The following PHTF2 variants were observed in gnomAD, a reference collection of about 807,000 sequenced individuals.
The protein encoded by PHTF2 is protein PHTF2.
In PHTF2, 60 loss-of-function variants were observed where a neutral mutation model predicts 101.2. That is an observed-to-expected ratio of 0.59 (90% confidence interval 0.48 to 0.73). The LOEUF (loss-of-function observed/expected upper bound fraction) is 0.73. PHTF2 is among the 30% of genes least tolerant of loss of function. PHTF2 has a pLI of 0.00. For synonymous variants in PHTF2, 311 were observed against 307.3 expected (o/e 1.01, Z -0.13); for missense variants, 747 against 908.7 (o/e 0.82, Z 2.29).
chr7:77,883,610 T>C (rs1318496428), intron 3 of PHTF2, among the ~76,000 whole-genome samples: 1 of 152,226 alleles, frequency 6.6e-6, no homozygotes. Flanking sequence ...AAAATGATTT[T>C]ATTAGCAGCT....
At chr7:77,837,049 C>T (rs1795531713) in intron 1 of PHTF2, among the ~76,000 whole-genome samples, 1 of 151,304 alleles carries the variant, frequency 6.6e-6, no homozygotes. Flanking sequence ...ATAGTGTTAG[C>T]TTAGAGTTAA....
At chr7:77,874,756 C>CTTCAATCCAG (rs1798794573) in intron 3 of PHTF2, among the ~76,000 whole-genome samples, 1 of 152,228 alleles carries the variant, frequency 6.6e-6, no homozygotes, top group Non-Finnish European at 1.5e-5. Context: ...ACTTTGTATC[C>CTTCAATCCAG]TTCAATCCAG....
At chr7:77,909,684 A>T (rs1359376492) in intron 8 of PHTF2, 1 of 152,386 alleles carries the variant, frequency 6.6e-6, no homozygotes, top group South Asian at 2.1e-4. Context: ...TTCTGTTTGA[A>T]TCTGTTTAAT....
At chr7:77,800,380 C>T (rs1167276110) in intron 1 of PHTF2, among the ~76,000 whole-genome samples, 1 of 152,188 alleles carries the variant, frequency 6.6e-6, no homozygotes, top group Non-Finnish European at 1.5e-5. Context: ...TAGCCTGCCT[C>T]CCACACAGAC....
exon 14 of PHTF2, chr7:77,940,241 G>A (rs1217745366): frequency 1.2e-5 from 20 of 1,613,600 alleles, no homozygotes; most frequent in East Asian, 4.5e-5. Context: ...TTTGTGGTTC[G>A]CGTGTCTCTT....
At chr7:77,819,921 T>C (rs1310418054) in intron 1 of PHTF2, among the ~76,000 whole-genome samples, 2 of 152,142 alleles carry the variant, frequency 1.3e-5, no homozygotes, top group Non-Finnish European at 2.9e-5. Flanking sequence ...GGTGTTTTGC[T>C]CTTGTTGGCC....
intron 2 of PHTF2, among the ~76,000 whole-genome samples, chr7:77,850,657 A>G (rs1262095060): frequency 2.6e-5 from 4 of 151,612 alleles, no homozygotes; most frequent in Non-Finnish European, 5.9e-5. Flanking sequence ...AAAAAAAAAA[A>G]AAAGAAAAGT....
At chr7:77,827,385 C>T (rs559595577) in intron 1 of PHTF2, among the ~76,000 whole-genome samples, 2 of 152,236 alleles carry the variant, frequency 1.3e-5, no homozygotes, top group South Asian at 4.1e-4. Context: ...GACGGAGTCT[C>T]ACTCTGTCAC....
chr7:77,818,205 A>G (rs1794008161), intron 1 of PHTF2, among the ~76,000 whole-genome samples: 2 of 150,438 alleles, frequency 1.3e-5, no homozygotes, highest in African/African-American at 2.4e-5. Flanking sequence ...CTCCTAGTCT[A>G]TAGGTTATCT....
chr7:77,838,472 G>A (rs1187461799), intron 1 of PHTF2, among the ~76,000 whole-genome samples: 1 of 152,080 alleles, frequency 6.6e-6, no homozygotes, highest in Non-Finnish European at 1.5e-5. Context: ...AAACTGCTAT[G>A]TTTAAAAAAG....
At chr7:77,946,097 A>G (rs1338369678) in intron 16 of PHTF2, among the ~76,000 whole-genome samples, 1 of 152,220 alleles carries the variant, frequency 6.6e-6, no homozygotes, top group African/African-American at 2.4e-5. Flanking sequence ...CAGAAAGTGA[A>G]TTACAGTAAA....
chr7:77,870,900 T>C (rs1186095215), intron 3 of PHTF2, among the ~76,000 whole-genome samples: 1 of 152,230 alleles, frequency 6.6e-6, no homozygotes, highest in East Asian at 1.9e-4. Context: ...AATAAATCTT[T>C]ATATCACATG....
In PHTF2 at chr7:77,799,239, A is replaced by G. The variant is rs560280693; in HGVS notation, c.-36+268A>G. 1.5e-4 allele frequency among the ~76,000 whole-genome samples: 23 copies of G among 152,208 alleles called. No homozygotes were observed. The South Asian group carries it at 4.6e-3, about 30-fold the overall frequency. On this transcript the variant is annotated intron_variant, in intron 1 of 19. Transcript: ENST00000416283. Reference sequence around the variant, plus strand: ...TCCTCCCGAGCTCGCGCGGTCCTCAAGTCTTGATGGTGACGGGCCGAAGCC... The same window carrying G: ...TCCTCCCGAGCTCGCGCGGTCCTCAGGTCTTGATGGTGACGGGCCGAAGCC...
chr7:77,811,352 C>T (rs1252670362), intron 1 of PHTF2, among the ~76,000 whole-genome samples: 1 of 152,168 alleles, frequency 6.6e-6, no homozygotes, highest in African/African-American at 2.4e-5. Context: ...CAGGTTTCTA[C>T]AAGGTAAAGT....
chr7:77,946,801 G>C (rs1364186864), intron 16 of PHTF2, among the ~76,000 whole-genome samples: 3 of 152,094 alleles, frequency 2.0e-5, no homozygotes, highest in Non-Finnish European at 4.4e-5. Context: ...GTTGACATCT[G>C]TTATATACAG....
At chr7:77,807,649 G>A (rs1793100556) in intron 1 of PHTF2, among the ~76,000 whole-genome samples, 1 of 151,994 alleles carries the variant, frequency 6.6e-6, no homozygotes, top group South Asian at 2.1e-4. Flanking sequence ...ATTCTGCAGG[G>A]GAGAAAAATA....
At chr7:77,866,292 T>G (rs1798061940) in intron 3 of PHTF2, among the ~76,000 whole-genome samples, 1 of 152,112 alleles carries the variant, frequency 6.6e-6, no homozygotes, top group Non-Finnish European at 1.5e-5. Flanking sequence ...ATAAAAGGAT[T>G]TTGTAGTCAA....
chr7:77,943,847 G>A (rs1805831633), intron 16 of PHTF2, among the ~76,000 whole-genome samples: 2 of 151,728 alleles, frequency 1.3e-5, no homozygotes, highest in Non-Finnish European at 2.9e-5. Context: ...GTAAAACCTC[G>A]TCTCTATTAA....
rs183726928 is a variant in PHTF2, at chr7:77,953,195, C to T, written c.2212-574C>T. ...CCCCATTATTTGCTTTTTATATGTA[C>T]CTTTGAAATGGGACTTTCATATTTT... On this transcript the variant is annotated intron_variant, in intron 18 of 19. Transcript: ENST00000416283. Among the ~76,000 whole-genome samples the T allele has an allele frequency of 6.9e-3, 1,053 of 152,228 alleles. 9 individuals carry two copies. Among genetic ancestry groups the T allele is most frequent in the Middle Eastern group, 0.02 (6 of 294 alleles).
Sources: gnomAD v4.1 joint callset for allele counts (sites outside exome capture counted in the v4.1 genomes callset) on GRCh38, gnomAD v4.1.1 for gene constraint, MANE v1.5 for transcripts, NCBI Gene and HGNC (gene_info 2026-07-23, HGNC 2026-07-21) for gene names.